The following PLPP7 variants were observed in gnomAD, a reference collection of about 807,000 sequenced individuals.
The protein encoded by PLPP7 is inactive phospholipid phosphatase 7.
PLPP7 carries 11 observed loss-of-function variants against 16.9 expected under a neutral mutation model. That is an observed-to-expected ratio of 0.65 (90% CI 0.41 to 1.08). The LOEUF (loss-of-function observed/expected upper bound fraction) is 1.08. PLPP7 is among the 50% of genes least tolerant of loss of function. PLPP7 has a pLI of 0.00. For missense variants in PLPP7, 358 were observed against 397.1 expected, an observed-to-expected ratio of 0.90 and a Z score of 0.84; for synonymous variants, 174 against 175.1, an observed-to-expected ratio of 0.99 and a Z score of 0.05.
intron 1 of PLPP7, among the ~76,000 whole-genome samples, chr9:131,301,669 G>A (rs1024709260): frequency 2.6e-5 from 4 of 152,314 alleles, no homozygotes; most frequent in African/African-American, 4.8e-5. Context: ...CGGGCCAGGC[G>A]GGGCTAGGAC....
chr9:131,307,551 CAAAAAAAAAAAAAAA>C (rs57469502), intron 1 of PLPP7, among the ~76,000 whole-genome samples: 6 of 60,564 alleles, frequency 9.9e-5, no homozygotes, highest in Admixed American at 7.4e-4. Context: ...AACTCTGTCT[CAAAAAAAAAAAAAAA>C]AAAAAAAAAA....
chr9:131,308,296 C>T lies in PLPP7; in HGVS notation c.*9C>T, dbSNP rs765606747. 15 of 1,577,212 alleles carry T rather than the reference C, an allele frequency of 9.5e-6. No individual in the cohort carries two copies. The highest frequency in any genetic ancestry group is 1.1e-5 in the Non-Finnish European group (13 of 1,169,080). ...TCATCTCTGCCTGGTGAAGCGCCCG[C>T]CGGCCCACACAAGCCTCTGGGGGCA... On this transcript the variant is annotated 3_prime_UTR_variant, in exon 2 of 2. Transcript: ENST00000372264.
In PLPP7 at chr9:131,307,551, CAAAAAAAAAAAAAAAA is replaced by C. The variant is rs57469502; in HGVS notation, c.452-354_452-339del. On this transcript the variant is annotated intron_variant, in intron 1 of 1. Coordinates refer to ENST00000372264, the MANE Select transcript of PLPP7 (RefSeq NM_032728.4). ...TGGTTGACAAAGTGAAACTCTGTCT[CAAAAAAAAAAAAAAAA>C]AAAAAAAAAAAAAAAAACCCAAAGA... Among the ~76,000 whole-genome samples, 12 of 60,568 alleles carry C rather than the reference CAAAAAAAAAAAAAAAA, an allele frequency of 2.0e-4. No homozygotes were observed. The East Asian group carries it at 4.8e-3, about 24-fold the overall frequency. 39.7% of individuals were successfully genotyped at this position (60,568 alleles called of 152,430 possible).
intron 1 of PLPP7, among the ~76,000 whole-genome samples, chr9:131,303,961 C>T (rs1349082183): frequency 2.6e-5 from 4 of 152,152 alleles, no homozygotes; most frequent in Admixed American, 2.0e-4. Context: ...CTTCACTGTC[C>T]GTGAGGCAGG....
intron 1 of PLPP7, chr9:131,292,997 A>G (rs1835698546): frequency 3.1e-6 from 3 of 977,272 alleles, no homozygotes; most frequent in Non-Finnish European, 3.6e-6. Context: ...AACATCATGT[A>G]TTGAGCTTTA....
Position 131,308,452 on chromosome 9 carries a change from C to T in PLPP7, c.*165C>T, listed in dbSNP as rs975485922. 3.4e-6 allele frequency: 4 copies of T among 1,160,090 alleles called. No individual in the cohort carries two copies. The African/African-American group carries it at 4.7e-5, about 14-fold the overall frequency. The allele number at this position is 1,160,090 out of a possible 1,614,324, so 71.9% of individuals were successfully genotyped here. ...GCTGGAGGCTGGCGAACCCAGGCCACCCCTCCCGGAGACAAGCGTGTTTGG... is the reference window on the plus strand; with the variant it reads ...GCTGGAGGCTGGCGAACCCAGGCCATCCCTCCCGGAGACAAGCGTGTTTGG... On this transcript the variant is annotated 3_prime_UTR_variant, in exon 2 of 2. Transcript: ENST00000372264.
chr9:131,291,008 A>C, intron 1 of PLPP7: 2 of 1,291,238 alleles, frequency 1.5e-6, no homozygotes, highest in Non-Finnish European at 2.1e-6. Context: ...AGCCCCCTGG[A>C]GTTCTTCCCT....
Position 131,307,551 on chromosome 9 carries a change from CAAAAAAAAAAAAAAAAAAAAAA to C in PLPP7, c.452-360_452-339del, listed in dbSNP as rs57469502. On this transcript the variant is annotated intron_variant, in intron 1 of 1. Transcript: ENST00000372264. ...TGGTTGACAAAGTGAAACTCTGTCTCAAAAAAAAAAAAAAAAAAAAAAAAAAAAAAAAACCCAAAGAAATAAA... is the reference window on the plus strand; with the variant it reads ...TGGTTGACAAAGTGAAACTCTGTCTCAAAAAAAAAAACCCAAAGAAATAAA... Among the ~76,000 whole-genome samples, 68 of 60,566 alleles carry C rather than the reference CAAAAAAAAAAAAAAAAAAAAAA, an allele frequency of 1.1e-3. 1 individual carries two copies. The highest frequency in any genetic ancestry group is 4.9e-3 in the African/African-American group (64 of 13,170). 39.7% of individuals were successfully genotyped at this position (60,566 alleles called of 152,430 possible). A position where few individuals can be genotyped will look rare whatever the true frequency, so the allele number is the denominator to read the frequency against.
At chr9:131,297,512 G>T (rs1835747603) in intron 1 of PLPP7, among the ~76,000 whole-genome samples, 1 of 151,710 alleles carries the variant, frequency 6.6e-6, no homozygotes, top group Non-Finnish European at 1.5e-5. Flanking sequence ...CAGCCTCCTG[G>T]GTAGCTGGGA....
rs1835881139 is a variant in PLPP7 at position 131,308,420 on chromosome 9, C to T, written c.*133C>T. On this transcript the variant is annotated 3_prime_UTR_variant, in exon 2 of 2. Coordinates refer to ENST00000372264, the MANE Select transcript of PLPP7 (RefSeq NM_032728.4). ...AGCGGCCACCCCCACCTCATCTTCC[C>T]CTCCTGGCTGGAGGCTGGCGAACCC... The T allele has an allele frequency of 7.2e-7, 1 of 1,388,236 alleles. No individual in the cohort carries two copies. Among genetic ancestry groups the T allele is most frequent in the Non-Finnish European group, 9.5e-7 (1 of 1,056,678 alleles). The allele number at this position is 1,388,236 out of a possible 1,614,324, so 86.0% of individuals were successfully genotyped here. A position where few individuals can be genotyped will look rare whatever the true frequency, so the allele number is the denominator to read the frequency against.
At chr9:131,292,598 G>A (rs1564245554) in intron 1 of PLPP7, among the ~76,000 whole-genome samples, 2 of 152,198 alleles carry the variant, frequency 1.3e-5, no homozygotes, top group Non-Finnish European at 2.9e-5. Flanking sequence ...AGGAGAGGGA[G>A]AGGGAACCAG....
chr9:131,294,174 G>A (rs1835710887), intron 1 of PLPP7, among the ~76,000 whole-genome samples: 1 of 152,164 alleles, frequency 6.6e-6, no homozygotes, highest in African/African-American at 2.4e-5. Context: ...GGTCTTAGCA[G>A]CAGGCAAAAG....
chr9:131,303,902 G>A (rs1835825945), intron 1 of PLPP7, among the ~76,000 whole-genome samples: 1 of 152,168 alleles, frequency 6.6e-6, no homozygotes, highest in Non-Finnish European at 1.5e-5. Context: ...CTGGGTCTCT[G>A]GCTGTGATGC....
chr9:131,306,242 A>C (rs1835850739), intron 1 of PLPP7, among the ~76,000 whole-genome samples: 1 of 149,732 alleles, frequency 6.7e-6, no homozygotes, highest in South Asian at 2.1e-4. Context: ...GTCTCAAAAA[A>C]ATCAAATAAA....
chr9:131,308,395 A>G lies in PLPP7; in HGVS notation c.*108A>G. The G allele has an allele frequency of 7.0e-7, 1 of 1,430,994 alleles. No homozygotes were observed. Among genetic ancestry groups the G allele is most frequent in the Non-Finnish European group, 9.2e-7 (1 of 1,091,524 alleles). The allele number at this position is 1,430,994 out of a possible 1,614,324, so 88.6% of individuals were successfully genotyped here. On this transcript the variant is annotated 3_prime_UTR_variant, in exon 2 of 2. Transcript: ENST00000372264. ...GTGGAACAGAGCGGCCAGGAGTCAG[A>G]GCGGCCACCCCCACCTCATCTTCCC...
At chr9:131,302,824 T>C (rs935232045) in intron 1 of PLPP7, among the ~76,000 whole-genome samples, 2 of 152,038 alleles carry the variant, frequency 1.3e-5, no homozygotes, top group Non-Finnish European at 2.9e-5. Flanking sequence ...GCAGCAACCC[T>C]GAAGTGGGCA....
intron 1 of PLPP7, among the ~76,000 whole-genome samples, chr9:131,307,239 C>T (rs1353877163): frequency 7.1e-6 from 1 of 141,170 alleles, no homozygotes; most frequent in Non-Finnish European, 1.5e-5. Flanking sequence ...GAGCAAGACC[C>T]TGTATCAAAA....
chr9:131,300,725 G>T (rs546740949), intron 1 of PLPP7, among the ~76,000 whole-genome samples: 1 of 151,550 alleles, frequency 6.6e-6, no homozygotes, highest in Non-Finnish European at 1.5e-5. Flanking sequence ...GGAAGGTGTG[G>T]GTCTAGCTTA....
intron 1 of PLPP7, among the ~76,000 whole-genome samples, chr9:131,292,387 G>A (rs1268908206): frequency 2.0e-5 from 3 of 152,170 alleles, no homozygotes; most frequent in African/African-American, 7.2e-5. Flanking sequence ...AGTGCTTACC[G>A]TGTTCCAGGG....
Sources: gnomAD v4.1 joint callset for allele counts (sites outside exome capture counted in the v4.1 genomes callset) on GRCh38, gnomAD v4.1.1 for gene constraint, MANE v1.5 for transcripts, NCBI Gene and HGNC (gene_info 2026-07-23, HGNC 2026-07-21) for gene names.